USP10: variants seen among roughly 807,000 people sequenced by gnomAD.
The protein encoded by USP10 is ubiquitin carboxyl-terminal hydrolase 10.
A neutral mutation model predicts 84.5 loss-of-function variants in USP10; 22 were observed. The ratio of observed to expected loss-of-function variants is 0.26; its 90% CI spans 0.19 to 0.37. The LOEUF is 0.37. USP10 is among the 10% of genes least tolerant of loss of function. The pLI, the probability that USP10 is intolerant of heterozygous loss-of-function variation, is 1.00. For missense variants in USP10, 1,019 were observed against 998.9 expected (o/e 1.02, Z -0.27); for synonymous variants, 454 against 387.6 (o/e 1.17, Z -2.01).
intron 1 of USP10, chr16:84,704,754 T>A: frequency 6.5e-7 from 1 of 1,533,754 alleles, no homozygotes; most frequent in Non-Finnish European, 8.7e-7. Context: ...TGGGCCATGA[T>A]CCCATTTTCA....
At chr16:84,720,530 G>T (rs1371965787) in intron 1 of USP10, among the ~76,000 whole-genome samples, 1 of 149,130 alleles carries the variant, frequency 6.7e-6, no homozygotes, top group Non-Finnish European at 1.5e-5. Flanking sequence ...TCAGAGTGGT[G>T]CACAGTTAAA....
Position 84,772,682 on chromosome 16 carries a change from A to T in USP10, c.2140A>T (p.Lys714Ter). 6.2e-7 allele frequency: 1 copy of T among 1,613,990 alleles called. No individual in the cohort carries two copies. The highest frequency in any genetic ancestry group is 8.5e-7 in the Non-Finnish European group (1 of 1,179,874). Residue 714 changes from lysine to a stop codon, truncating the protein, a stop_gained, in exon 12 of 14, where the codon AAA (lysine) becomes TAA (stop). Transcript: ENST00000219473. LOFTEE classifies it high-confidence loss of function. ...ATATCCTGTGGACTTGGAAATTAGT[A>T]AAGGTAATGCATACATAAGGTCGGG... ...IEYPVDLEIS[K>*]ELLSPGVKNK...
intron 1 of USP10, among the ~76,000 whole-genome samples, chr16:84,711,261 G>C (rs528506967): frequency 1.5e-4 from 23 of 152,322 alleles, no homozygotes; most frequent in African/African-American, 5.3e-4. Context: ...TTTTAAAAAT[G>C]TAAGTACACA....
chr16:84,704,877 G>A, intron 1 of USP10: 1 of 1,535,754 alleles, frequency 6.5e-7, no homozygotes, highest in East Asian at 2.4e-5. Context: ...TGTTGAGATA[G>A]AAATGTGGTT....
intron 11 of USP10, among the ~76,000 whole-genome samples, chr16:84,770,591 T>C (rs570071235): frequency 6.6e-5 from 10 of 151,754 alleles, no homozygotes; most frequent in Non-Finnish European, 1.3e-4. Flanking sequence ...GCTAACACGG[T>C]GAAACCCCGT....
chr16:84,762,567 T>G (rs1277307434), intron 8 of USP10, among the ~76,000 whole-genome samples: 1 of 151,976 alleles, frequency 6.6e-6, no homozygotes. Context: ...GGCACACACC[T>G]GGAGTCCCAG....
intron 13 of USP10, among the ~76,000 whole-genome samples, chr16:84,777,345 T>A (rs1048649590): frequency 2.0e-5 from 3 of 152,204 alleles, no homozygotes; most frequent in Non-Finnish European, 2.9e-5. Flanking sequence ...GCCCTGCAGA[T>A]TCTACTGATG....
In USP10 at chr16:84,745,103, A is replaced by T. The variant is rs1911053596; in HGVS notation, c.622A>T (p.Thr208Ser). 2 of 1,613,560 alleles carry T rather than the reference A, an allele frequency of 1.2e-6. No homozygotes were observed. Among genetic ancestry groups the T allele is most frequent in the Admixed American group, 1.7e-5 (1 of 59,992 alleles). ...CATGCCCCCGTCAGTTACGCCCAGG[A>T]CTTGTAACAGCCCCCAGAACTCCAC... The part of the protein sequence containing the change: ...GDMPPSVTPR[T>S]CNSPQNSTDS... The change falls in exon 4 of 14, where the codon ACT becomes TCT. Residue 208 changes from threonine to serine, a missense_variant. By Grantham distance (58) the Thr-to-Ser change is moderately conservative. Coordinates refer to ENST00000219473, the MANE Select transcript of USP10 (RefSeq NM_005153.3).
chr16:84,737,666 T>C (rs944274281), intron 2 of USP10, among the ~76,000 whole-genome samples: 6 of 152,316 alleles, frequency 3.9e-5, no homozygotes, highest in African/African-American at 1.2e-4. Flanking sequence ...TCTCACCAGA[T>C]CCCTGCTGTG....
At chr16:84,770,677 C>G (rs1597400056) in intron 11 of USP10, among the ~76,000 whole-genome samples, 2 of 150,606 alleles carry the variant, frequency 1.3e-5, no homozygotes, top group Admixed American at 1.3e-4. Flanking sequence ...GAGGCTGAGG[C>G]AGGAGAATGG....
intron 3 of USP10, among the ~76,000 whole-genome samples, chr16:84,742,035 C>G (rs1910686662): frequency 1.3e-5 from 2 of 152,134 alleles, no homozygotes; most frequent in African/African-American, 2.4e-5. Flanking sequence ...CGTGGCTTCC[C>G]TTTTAGATCT....
intron 9 of USP10, among the ~76,000 whole-genome samples, 170 bp downstream of exon 9, chr16:84,763,258 AG>A (rs1472846649): frequency 6.6e-6 from 1 of 152,082 alleles, no homozygotes; most frequent in African/African-American, 2.4e-5. Flanking sequence ...GGTAAATTAC[AG>A]TTTATCCCGA....
chr16:84,703,408 C>T (rs934613966), intron 1 of USP10, among the ~76,000 whole-genome samples: 3 of 152,176 alleles, frequency 2.0e-5, no homozygotes, highest in Non-Finnish European at 2.9e-5. Flanking sequence ...CATAGACTCA[C>T]CCCAGTCTCT....
rs1914411248 is a variant in USP10, at chr16:84,771,163, C to CA, written c.1999-1372dup. 4.6e-5 allele frequency among the ~76,000 whole-genome samples: 7 copies of CA among 152,112 alleles called. No individual in the cohort carries two copies. In the South Asian group the frequency reaches 1.2e-3, roughly 27 times the overall value. On this transcript the variant is annotated intron_variant, in intron 11 of 13. Transcript: ENST00000219473. ...TATTTGTAAAGATGCATCTTAGTGA[C>CA]AAAAAACCTGGCTTTATTTAAAAGC...
Position 84,739,524 on chromosome 16 carries a change from C to G in USP10, c.91-785C>G, listed in dbSNP as rs960739327. 1.3e-5 allele frequency among the ~76,000 whole-genome samples: 2 copies of G among 152,102 alleles called. 1 individual carries two copies. Among genetic ancestry groups the G allele is most frequent in the South Asian group, 4.1e-4 (2 of 4,826 alleles). ...CTGACCTCAAGTGATTCACCCACCT[C>G]AGCCTCCCTCATTGCTGGGATTACA... is the stretch of plus-strand genomic sequence containing the variant. On this transcript the variant is annotated intron_variant, in intron 2 of 13. Coordinates refer to ENST00000219473, the MANE Select transcript of USP10 (RefSeq NM_005153.3).
intron 1 of USP10, 32 bp downstream of exon 1, chr16:84,700,143 G>T: frequency 1.6e-6 from 2 of 1,290,148 alleles, no homozygotes; most frequent in Non-Finnish European, 2.0e-6. Flanking sequence ...CGGCCGGAAG[G>T]GGCCCGAGCC....
Position 84,778,913 on chromosome 16 carries a change from A to G in USP10, c.2228A>G (p.Asn743Ser), listed in dbSNP as rs757285877. The G allele has an allele frequency of 2.0e-4, 317 of 1,613,510 alleles. No homozygotes were observed. Among genetic ancestry groups the G allele is most frequent in the Non-Finnish European group, 2.6e-4 (308 of 1,179,742 alleles). Residue 743 changes from asparagine to serine, a missense_variant, in exon 14 of 14, where the codon AAC (asparagine) becomes AGC (serine). By Grantham distance (46) the Asn-to-Ser change is conservative. This residue lies in a region of USP10 where 232 missense variants were observed against 290.1 expected (regional missense o/e 0.80). Coordinates refer to ENST00000219473, the MANE Select transcript of USP10 (RefSeq NM_005153.3). ...RLFAVVYHHGNSATGGHYTTD... is the reference protein window; with the variant it reads ...RLFAVVYHHGSSATGGHYTTD... Reference sequence around the variant, plus strand: ...CTTCCAGTGGTCTACCATCACGGCAACAGTGCGACGGGCGGCCATTACACT... The same window carrying G: ...CTTCCAGTGGTCTACCATCACGGCAGCAGTGCGACGGGCGGCCATTACACT...
chr16:84,725,291 C>G (rs1908310459), intron 1 of USP10, among the ~76,000 whole-genome samples: 1 of 152,208 alleles, frequency 6.6e-6, no homozygotes, highest in African/African-American at 2.4e-5. Flanking sequence ...ATGGAAGAAA[C>G]AATTTATGGC....
At chr16:84,707,817 G>A (rs1257548296) in intron 1 of USP10, among the ~76,000 whole-genome samples, 2 of 151,876 alleles carry the variant, frequency 1.3e-5, no homozygotes, top group Admixed American at 6.6e-5. Context: ...AGTGACTCAC[G>A]CCTGTAATCC....
Sources: gnomAD v4.1 joint callset for allele counts (sites outside exome capture counted in the v4.1 genomes callset) on GRCh38, gnomAD v4.1.1 for gene constraint, gnomAD v4.1.1 regional missense constraint, MANE v1.5 for transcripts, NCBI Gene and HGNC (gene_info 2026-07-23, HGNC 2026-07-21) for gene names.